The following BCAS3 variants were observed in gnomAD, a reference collection of about 807,000 sequenced individuals.
The protein encoded by BCAS3 is BCAS4/BCAS3 fusion.
BCAS3 carries 53 observed loss-of-function variants against 116.1 expected under a neutral mutation model. The observed-to-expected ratio is 0.46, with a 90% CI of 0.37 to 0.57. The LOEUF (loss-of-function observed/expected upper bound fraction) is 0.57, where lower values mean the gene tolerates loss of function less well. BCAS3 is among the 20% of genes least tolerant of loss of function. The pLI, the probability that BCAS3 is intolerant of heterozygous loss-of-function variation, is 0.00. For synonymous variants in BCAS3, 391 were observed against 408.2 expected (o/e 0.96, Z 0.51); for missense variants, 917 against 1,165.4 (o/e 0.79, Z 3.10).
intron 22 of BCAS3, chr17:61,086,843 A>G (rs900761969): frequency 1.0e-6 from 1 of 985,376 alleles, no homozygotes; most frequent in Non-Finnish European, 1.2e-6. Context: ...CTCTTCAGCT[A>G]CCTCTCAATT....
intron 14 of BCAS3, among the ~76,000 whole-genome samples, chr17:60,971,841 A>G (rs73322752): frequency 0.01 from 1,590 of 152,288 alleles, 30 homozygotes; most frequent in African/African-American, 0.036. Flanking sequence ...CCCATCCCCA[A>G]GTAGGTCTAG....
At chr17:60,879,917 T>G (rs900390629) in intron 9 of BCAS3, among the ~76,000 whole-genome samples, 3 of 152,236 alleles carry the variant, frequency 2.0e-5, no homozygotes, top group Non-Finnish European at 4.4e-5. Context: ...GATAGGTTAG[T>G]GTGAGTTCTA....
chr17:61,139,974 G>A lies in BCAS3; in HGVS notation c.2425+55410G>A, dbSNP rs544325830. Among the ~76,000 whole-genome samples, 485 of 152,260 alleles carry A rather than the reference G, an allele frequency of 3.2e-3. 3 individuals carry two copies. Among genetic ancestry groups the A allele is most frequent in the African/African-American group, 0.011 (467 of 41,564 alleles). ...GATATGACCGGGCACAGTGGCTCAC[G>A]CCTGTAATCCCAGCACTTTGGGAGG... is the stretch of plus-strand genomic sequence containing the variant. On this transcript the variant is annotated intron_variant, in intron 22 of 23. Transcript: ENST00000407086. This position sits in a 1 kb window ranked among gnomAD's most constrained non-coding sequence, Gnocchi z 4.7.
chr17:61,175,974 A>C (rs1954021843), intron 22 of BCAS3, among the ~76,000 whole-genome samples: 1 of 151,812 alleles, frequency 6.6e-6, no homozygotes, highest in Admixed American at 6.6e-5. Flanking sequence ...CAGCTCTACA[A>C]AAAATAACAG....
chr17:61,325,284 C>T lies in BCAS3; in HGVS notation c.2426-43043C>T, dbSNP rs1046728906. 8.5e-5 allele frequency among the ~76,000 whole-genome samples: 13 copies of T among 152,190 alleles called. No individual in the cohort carries two copies. Among genetic ancestry groups the T allele is most frequent in the African/African-American group, 7.2e-5 (3 of 41,446 alleles). ...AAGTAACTAACAACCGTACAAATAG[C>T]GCCCTGACCTTTTCATATCTGTGGG... On this transcript the variant is annotated intron_variant, in intron 22 of 23. Transcript: ENST00000407086. The surrounding 1 kb of genome is among the most constrained non-coding windows in gnomAD (Gnocchi z 6.4).
In BCAS3 at chr17:61,087,239, G is replaced by A. The variant is rs528455866; in HGVS notation, c.2425+2675G>A. 4.0e-5 allele frequency: 39 copies of A among 984,754 alleles called. No individual in the cohort carries two copies. The highest frequency in any genetic ancestry group is 4.7e-5 in the South Asian group (1 of 21,254). 61.0% of individuals were successfully genotyped at this position (984,754 alleles called of 1,614,324 possible). A position where few individuals can be genotyped will look rare whatever the true frequency, so the allele number is the denominator to read the frequency against. ...TTCATTGCCTGTTACTTGGAGATAC[G>A]ACCAGTGTGGCACCTCCTCTGTTGG... On this transcript the variant is annotated intron_variant, in intron 22 of 23. Transcript: ENST00000407086. The surrounding 1 kb of genome is among the most constrained non-coding windows in gnomAD (Gnocchi z 4.6).
chr17:60,811,437 G>T, intron 7 of BCAS3: 1 of 601,840 alleles, frequency 1.7e-6, no homozygotes, highest in Non-Finnish European at 3.0e-6. Flanking sequence ...TCTGAGACCA[G>T]CGACATCAAA....
intron 6 of BCAS3, among the ~76,000 whole-genome samples, chr17:60,756,190 A>C (rs372551019): frequency 5.9e-5 from 9 of 152,130 alleles, no homozygotes; most frequent in African/African-American, 2.2e-4. Context: ...TCTCATAAGG[A>C]GTGCACAACT....
chr17:61,350,157 A>T (rs1407634160), intron 22 of BCAS3, among the ~76,000 whole-genome samples: 1 of 152,034 alleles, frequency 6.6e-6, no homozygotes, highest in East Asian at 1.9e-4. Flanking sequence ...GCTGGGTGCC[A>T]TGGCTCATGG....
At position 61,366,242 on chromosome 17, in the gene BCAS3, T is replaced by A. The variant is rs1252736785; in HGVS notation, c.2426-2085T>A. On this transcript the variant is annotated intron_variant, in intron 22 of 23. Coordinates refer to ENST00000407086, the MANE Select transcript of BCAS3 (RefSeq NM_017679.5). The surrounding 1 kb of genome is among the most constrained non-coding windows in gnomAD (Gnocchi z 4.5). The stretch of plus-strand genomic sequence containing the variant: ...GCATGCAGACCCTTCAGAGAAACGA[T>A]GATGCTTTAGCACTGTAGCACTAGA... Among the ~76,000 whole-genome samples, 1 of 152,018 alleles carries A rather than the reference T, an allele frequency of 6.6e-6. No individual in the cohort carries two copies. Among genetic ancestry groups the A allele is most frequent in the African/African-American group, 2.4e-5 (1 of 41,364 alleles).
At chr17:61,234,875 C>CTTTA (rs1257430392) in intron 22 of BCAS3, among the ~76,000 whole-genome samples, 18 of 120,582 alleles carry the variant, frequency 1.5e-4, no homozygotes, top group East Asian at 6.7e-4. Flanking sequence ...GTCCTAAGCA[C>CTTTA]TTTATTTATT....
In BCAS3 at chr17:61,281,855, T is replaced by TA. The variant is rs1568744240; in HGVS notation, c.2426-86464dup. On this transcript the variant is annotated intron_variant, in intron 22 of 23. Transcript: ENST00000407086. This position sits in a 1 kb window ranked among gnomAD's most constrained non-coding sequence, Gnocchi z 4.2. The stretch of plus-strand genomic sequence containing the variant: ...TATAGCTTTCTCATTTCTCTGTTTT[T>TA]AAAAAAAATTCTTCGTTTTATGGTA... Among the ~76,000 whole-genome samples the TA allele has an allele frequency of 2.0e-5, 3 of 152,212 alleles. No individual in the cohort carries two copies. Among genetic ancestry groups the TA allele is most frequent in the South Asian group, 4.1e-4 (2 of 4,822 alleles).
At chr17:60,992,558 A>G (rs560966946) in intron 15 of BCAS3, among the ~76,000 whole-genome samples, 5 of 152,258 alleles carry the variant, frequency 3.3e-5, no homozygotes, top group South Asian at 4.1e-4. Context: ...TGAGGGTTGA[A>G]AAACTACCTG....
intron 7 of BCAS3, among the ~76,000 whole-genome samples, chr17:60,831,256 A>G (rs2050896787): frequency 6.6e-6 from 1 of 152,070 alleles, no homozygotes; most frequent in Admixed American, 6.5e-5. Context: ...GGCTTACTGC[A>G]ACCTCTGCCT....
chr17:60,731,186 G>T (rs557541367), intron 5 of BCAS3, among the ~76,000 whole-genome samples: 14 of 152,176 alleles, frequency 9.2e-5, no homozygotes, highest in Admixed American at 7.2e-4. Flanking sequence ...TTAGCAAATT[G>T]ATAACTATAC....
intron 12 of BCAS3, among the ~76,000 whole-genome samples, chr17:60,923,146 A>G (rs749739376): frequency 2.0e-5 from 3 of 152,234 alleles, no homozygotes; most frequent in Non-Finnish European, 4.4e-5. Flanking sequence ...AAAATTGGTT[A>G]TTTGAAAAGA....
chr17:61,060,191 A>G (rs1264727496), intron 19 of BCAS3, among the ~76,000 whole-genome samples: 3 of 151,820 alleles, frequency 2.0e-5, no homozygotes, highest in Non-Finnish European at 1.5e-5. Flanking sequence ...CAGTGGCGCA[A>G]TCTTGGCTCA....
At chr17:61,142,166 T>G (rs1039162306) in intron 22 of BCAS3, among the ~76,000 whole-genome samples, 1 of 152,198 alleles carries the variant, frequency 6.6e-6, no homozygotes, top group Non-Finnish European at 1.5e-5. Flanking sequence ...TCATTAATCT[T>G]GTTGACAATC....
At chr17:61,290,239 A>C (rs1367754266) in intron 22 of BCAS3, among the ~76,000 whole-genome samples, 1 of 152,206 alleles carries the variant, frequency 6.6e-6, no homozygotes, top group Non-Finnish European at 1.5e-5. Context: ...TTTGGCTCAA[A>C]ACGTCCACCT....
Sources: gnomAD v4.1 joint callset for allele counts (sites outside exome capture counted in the v4.1 genomes callset) on GRCh38, gnomAD v4.1.1 for gene constraint, Gnocchi (gnomAD v3.1) non-coding constraint, MANE v1.5 for transcripts, NCBI Gene and HGNC (gene_info 2026-07-23, HGNC 2026-07-21) for gene names.